Variants in CSMD1 observed in about 807,000 individuals in gnomAD.
The protein encoded by CSMD1 is CUB and Sushi multiple domains 1.
In CSMD1, 213 loss-of-function variants were observed where a neutral mutation model predicts 417.5. The observed-to-expected ratio is 0.51, with a 90% CI of 0.46 to 0.57. The LOEUF is 0.57. Ranked by LOEUF, CSMD1 falls within the 20% of genes least tolerant of loss-of-function variation. The pLI, the probability that CSMD1 is intolerant of heterozygous loss-of-function variation, is 0.00. For synonymous variants in CSMD1, 2,862 were observed against 1,736.8 expected (o/e 1.65, Z -16.11); for missense variants, 6,923 against 4,529.7 (o/e 1.53, Z -15.17).
intron 18 of CSMD1, among the ~76,000 whole-genome samples, chr8:3,387,181 G>A (rs1585089044): frequency 1.3e-5 from 2 of 152,306 alleles, no homozygotes; most frequent in East Asian, 3.9e-4. Context: ...TAGGATATGT[G>A]TGGCGACTAT....
chr8:4,274,513 T>A (rs577914614), intron 3 of CSMD1, among the ~76,000 whole-genome samples: 19 of 152,280 alleles, frequency 1.2e-4, no homozygotes, highest in African/African-American at 2.9e-4. Context: ...TTCTTTAATA[T>A]TTGTTTAGTC....
At chr8:3,527,924 G>A (rs1184954872) in intron 10 of CSMD1, among the ~76,000 whole-genome samples, 1 of 152,174 alleles carries the variant, frequency 6.6e-6, no homozygotes, top group East Asian at 1.9e-4. Context: ...TGGTTGTAGG[G>A]CAGTTCTGTG....
chr8:4,759,474 G>C (rs968409600), intron 1 of CSMD1, among the ~76,000 whole-genome samples: 17 of 152,276 alleles, frequency 1.1e-4, no homozygotes, highest in Non-Finnish European at 2.4e-4. Flanking sequence ...GTAAATGTGT[G>C]GCATGCTGGT....
At chr8:3,434,981 G>C (rs925698309) in intron 12 of CSMD1, among the ~76,000 whole-genome samples, 1 of 152,148 alleles carries the variant, frequency 6.6e-6, no homozygotes, top group Non-Finnish European at 1.5e-5. Context: ...TATCCCCCCA[G>C]GGAGCTGGTA....
At chr8:4,708,985 G>T (rs925844792) in intron 1 of CSMD1, among the ~76,000 whole-genome samples, 2 of 152,126 alleles carry the variant, frequency 1.3e-5, no homozygotes, top group African/African-American at 4.8e-5. Context: ...CCTCGATCTT[G>T]GGCTTCCAAC....
In CSMD1 at chr8:4,797,896, T is replaced by C. The variant is rs139802855; in HGVS notation, c.86-160338A>G. Among the ~76,000 whole-genome samples, 697 of 152,336 alleles carry C rather than the reference T, an allele frequency of 4.6e-3. 4 individuals carry two copies. Among genetic ancestry groups the C allele is most frequent in the African/African-American group, 0.016 (662 of 41,592 alleles). Reference sequence around the variant, plus strand: ...TTACGAAAATCATCTTAAATACTTATAAAATTCCACAGAAGGGCATGACAG... The same window carrying C: ...TTACGAAAATCATCTTAAATACTTACAAAATTCCACAGAAGGGCATGACAG... On this transcript the variant is annotated intron_variant, in intron 1 of 69. Transcript: ENST00000635120.
At chr8:3,872,290 A>C (rs1363131224) in intron 5 of CSMD1, among the ~76,000 whole-genome samples, 2 of 152,130 alleles carry the variant, frequency 1.3e-5, no homozygotes, top group South Asian at 2.1e-4. Flanking sequence ...GTTTGGGGTC[A>C]CCCTGTAAGT....
intron 4 of CSMD1, among the ~76,000 whole-genome samples, chr8:4,024,193 G>C (rs1030897573): frequency 1.3e-5 from 2 of 152,084 alleles, no homozygotes; most frequent in Non-Finnish European, 2.9e-5. Context: ...AAATATAACA[G>C]ATAGTAAGAA....
chr8:3,118,128 C>G (rs1183730747), intron 42 of CSMD1, among the ~76,000 whole-genome samples: 1 of 152,168 alleles, frequency 6.6e-6, no homozygotes, highest in South Asian at 2.1e-4. Context: ...TGTGCCATCT[C>G]CTTCCCTGCA....
chr8:4,347,048 T>C (rs1800814497), intron 3 of CSMD1, among the ~76,000 whole-genome samples: 2 of 152,166 alleles, frequency 1.3e-5, no homozygotes. Flanking sequence ...TCTAATTATC[T>C]AGACCAGAGA....
intron 2 of CSMD1, among the ~76,000 whole-genome samples, chr8:4,444,060 G>A (rs1481598897): frequency 1.3e-5 from 2 of 152,116 alleles, no homozygotes; most frequent in South Asian, 2.1e-4. Context: ...AGATAGAGGT[G>A]GCCTGGCACA....
intron 3 of CSMD1, among the ~76,000 whole-genome samples, chr8:4,100,484 C>T (rs531864352): frequency 2.6e-5 from 4 of 152,198 alleles, no homozygotes; most frequent in Admixed American, 2.0e-4. Flanking sequence ...TTTTCTAAGC[C>T]TTAGTCTCAT....
At chr8:4,951,264 G>T (rs747149390) in intron 1 of CSMD1, among the ~76,000 whole-genome samples, 1 of 152,088 alleles carries the variant, frequency 6.6e-6, no homozygotes, top group South Asian at 2.1e-4. Flanking sequence ...TGCTGATAAC[G>T]ACTTTTAGTC....
intron 41 of CSMD1, chr8:3,128,639 C>A: frequency 3.3e-6 from 1 of 305,394 alleles, no homozygotes; most frequent in Non-Finnish European, 6.4e-6. Context: ...ATGGCAAACA[C>A]TGACAAACTA....
chr8:3,610,723 A>G (rs1011800966), intron 8 of CSMD1, among the ~76,000 whole-genome samples: 2 of 152,024 alleles, frequency 1.3e-5, no homozygotes, highest in Non-Finnish European at 2.9e-5. Flanking sequence ...CTTAACTCCA[A>G]TTATAATTTT....
intron 1 of CSMD1, among the ~76,000 whole-genome samples, chr8:4,682,355 C>G (rs373903970): frequency 1.3e-5 from 2 of 152,086 alleles, no homozygotes; most frequent in African/African-American, 4.8e-5. Context: ...TTTGATTAGT[C>G]AGAATGCTGT....
intron 3 of CSMD1, among the ~76,000 whole-genome samples, chr8:4,291,298 T>C (rs1407296819): frequency 2.0e-5 from 3 of 152,104 alleles, no homozygotes; most frequent in Non-Finnish European, 4.4e-5. Flanking sequence ...AAAGTCAAGA[T>C]ATTTAAAAGC....
At chr8:3,370,072 T>G (rs535082977) in intron 18 of CSMD1, among the ~76,000 whole-genome samples, 1 of 152,258 alleles carries the variant, frequency 6.6e-6, no homozygotes, top group Non-Finnish European at 1.5e-5. Context: ...TGGTACCTAC[T>G]GATAGATACT....
chr8:4,398,380 T>G (rs905804613), intron 3 of CSMD1, among the ~76,000 whole-genome samples: 3 of 144,054 alleles, frequency 2.1e-5, no homozygotes, highest in South Asian at 2.2e-4. Flanking sequence ...ATTGTCTTGC[T>G]GCAACTTCTT....
Sources: allele counts gnomAD v4.1 joint callset (sites outside exome capture counted in the v4.1 genomes callset), GRCh38; gene constraint gnomAD v4.1.1; transcripts MANE v1.5; gene names NCBI Gene and HGNC (gene_info 2026-07-23, HGNC 2026-07-21).